Variants in AGBL1 observed in about 807,000 individuals in gnomAD.
The protein encoded by AGBL1 is AGBL carboxypeptidase 1, also known as cytosolic carboxypeptidase 4.
In AGBL1, 130 loss-of-function variants were observed where a neutral mutation model predicts 118.9. That is an observed-to-expected ratio of 1.09 (90% CI 0.95 to 1.26). The LOEUF is 1.26. Ranked by LOEUF, AGBL1 falls within the 50% of genes most tolerant of loss-of-function variation. The pLI, the probability that AGBL1 is intolerant of heterozygous loss-of-function variation, is 0.00. For synonymous variants in AGBL1, 555 were observed against 478.9 expected, an observed-to-expected ratio of 1.16 and a Z score of -2.08; for missense variants, 1,584 against 1,298.1, an observed-to-expected ratio of 1.22 and a Z score of -3.38.
intron 18 of AGBL1, among the ~76,000 whole-genome samples, chr15:86,518,505 T>G (rs1425567670): frequency 6.6e-6 from 1 of 152,126 alleles, no homozygotes; most frequent in Non-Finnish European, 1.5e-5. Flanking sequence ...GAGATGCTTT[T>G]GTTTGGTCAT....
rs148851645 is a variant in AGBL1 at position 86,282,685 on chromosome 15, A to C, written c.2220+2902A>C. Among the ~76,000 whole-genome samples, 973 of 152,308 alleles carry C rather than the reference A, an allele frequency of 6.4e-3. 8 individuals are homozygous for C. Among genetic ancestry groups the C allele is most frequent in the African/African-American group, 0.023 (939 of 41,566 alleles). On this transcript the variant is annotated intron_variant, in intron 16 of 22. Transcript: ENST00000614907. ...ATGAGTACATTCTGTAATGCTAACC[A>C]GTCATTTTTGTTTTTGGACATGTCC...
chr15:86,362,186 A>G (rs1305596017), intron 17 of AGBL1, among the ~76,000 whole-genome samples: 1 of 150,100 alleles, frequency 6.7e-6, no homozygotes, highest in African/African-American at 2.5e-5. Context: ...CACAAAAACT[A>G]TACTTTTACT....
chr15:86,720,668 G>A (rs980058077), intron 22 of AGBL1, among the ~76,000 whole-genome samples: 9 of 152,190 alleles, frequency 5.9e-5, no homozygotes, highest in Non-Finnish European at 1.0e-4. Context: ...CGAAGTTGCT[G>A]AGAGTGAATG....
intron 22 of AGBL1, among the ~76,000 whole-genome samples, chr15:86,853,033 A>T (rs2079428536): frequency 6.6e-6 from 1 of 150,578 alleles, no homozygotes; most frequent in African/African-American, 2.4e-5. Context: ...AATTAGAATC[A>T]CATGGGAAAG....
chr15:86,271,907 C>T (rs953707996), intron 15 of AGBL1, among the ~76,000 whole-genome samples: 19 of 152,142 alleles, frequency 1.2e-4, no homozygotes, highest in Admixed American at 2.0e-4. Flanking sequence ...TCGAGAAATA[C>T]CTTTTGATTG....
chr15:86,482,681 A>C (rs554624214), intron 18 of AGBL1, among the ~76,000 whole-genome samples: 7 of 152,150 alleles, frequency 4.6e-5, no homozygotes, highest in Non-Finnish European at 8.8e-5. Context: ...GTAGTTTTAC[A>C]TGTAACCTTG....
intron 21 of AGBL1, among the ~76,000 whole-genome samples, chr15:86,583,599 A>T (rs1008743927): frequency 1.3e-5 from 2 of 152,022 alleles, no homozygotes; most frequent in Non-Finnish European, 2.9e-5. Context: ...GCTTAAGTTG[A>T]TTCCATATCT....
chr15:86,289,585 G>GT (rs770712057), intron 16 of AGBL1, among the ~76,000 whole-genome samples: 6 of 152,094 alleles, frequency 3.9e-5, no homozygotes, highest in Non-Finnish European at 7.4e-5. Flanking sequence ...ATTTACATCA[G>GT]TTTTTTCAGA....
At chr15:86,639,728 C>T (rs561296555) in intron 21 of AGBL1, among the ~76,000 whole-genome samples, 3 of 152,284 alleles carry the variant, frequency 2.0e-5, no homozygotes, top group South Asian at 4.1e-4. Context: ...AACTGCTGAT[C>T]CCTCTTTGGG....
chr15:86,513,956 T>C (rs2083084278), intron 18 of AGBL1, among the ~76,000 whole-genome samples: 1 of 152,102 alleles, frequency 6.6e-6, no homozygotes, highest in African/African-American at 2.4e-5. Flanking sequence ...CAGACTGATA[T>C]TCTTTTCTTC....
At chr15:86,792,801 A>G (rs1053396112) in intron 22 of AGBL1, among the ~76,000 whole-genome samples, 3 of 152,136 alleles carry the variant, frequency 2.0e-5, no homozygotes, top group Non-Finnish European at 4.4e-5. Context: ...ATAAGAGAAA[A>G]GAGAAAACAA....
chr15:86,258,189 G>T (rs928419479), intron 9 of AGBL1, among the ~76,000 whole-genome samples, 158 bp downstream of exon 9: 1 of 152,188 alleles, frequency 6.6e-6, no homozygotes, highest in African/African-American at 2.4e-5. Flanking sequence ...GATAGCTACT[G>T]TTATTGATTT....
chr15:86,607,839 C>T (rs1041055442), intron 21 of AGBL1, among the ~76,000 whole-genome samples: 3 of 152,058 alleles, frequency 2.0e-5, no homozygotes, highest in African/African-American at 7.2e-5. Context: ...TATAGAGGAA[C>T]AACTGTTATG....
At chr15:86,795,587 A>AT (rs201093513) in intron 22 of AGBL1, among the ~76,000 whole-genome samples, 22,420 of 138,174 alleles carry the variant, frequency 0.16, 1,830 homozygotes, top group East Asian at 0.3. Flanking sequence ...TTTCTGCTTG[A>AT]TTTTTTTTTT....
At chr15:86,251,494 T>C (rs767626493) in intron 7 of AGBL1, among the ~76,000 whole-genome samples, 10 of 152,226 alleles carry the variant, frequency 6.6e-5, no homozygotes, top group Non-Finnish European at 1.5e-4. Flanking sequence ...ATTAATTTTA[T>C]TGATGTTTGT....
At chr15:87,004,076 CT>C (rs1162186675) in intron 24 of AGBL1, among the ~76,000 whole-genome samples, 2 of 152,158 alleles carry the variant, frequency 1.3e-5, no homozygotes, top group Non-Finnish European at 2.9e-5. Context: ...AATTTTAGAT[CT>C]TTCCTGCTTT....
rs1000417699 is a variant in AGBL1, at chr15:86,214,556, C to T, written c.489-10358C>T. Among the ~76,000 whole-genome samples, 9 of 152,202 alleles carry T rather than the reference C, an allele frequency of 5.9e-5. 1 individual carries two copies. Among genetic ancestry groups the T allele is most frequent in the African/African-American group, 1.7e-4 (7 of 41,458 alleles). The stretch of plus-strand genomic sequence containing the variant: ...GGGTAATGTTTGCCTTAAGTGCTAA[C>T]TTGAGAGTCACACCTCTATGTAGAA... On this transcript the variant is annotated intron_variant, in intron 5 of 22. Transcript: ENST00000614907.
intron 24 of AGBL1, chr15:86,988,248 C>T: frequency 1.2e-6 from 1 of 807,172 alleles, no homozygotes; most frequent in Non-Finnish European, 1.9e-6. Context: ...ACAATGCCAA[C>T]TTCTTTTCCA....
At position 86,941,034 on chromosome 15, in the gene AGBL1, T is replaced by G. The variant is rs558767385; in HGVS notation, c.3222-46953T>G. On this transcript the variant is annotated intron_variant, in intron 23 of 24. Coordinates refer to the AGBL1 transcript ENST00000441037. Reference sequence around the variant, plus strand: ...CTTAGATCTTTAAATGTAATTCTTGTAACTTTGTCTTTTGGCAAAAGCAAT... The same window carrying G: ...CTTAGATCTTTAAATGTAATTCTTGGAACTTTGTCTTTTGGCAAAAGCAAT... 3.3e-5 allele frequency among the ~76,000 whole-genome samples: 5 copies of G among 152,320 alleles called. No individual in the cohort carries two copies. The East Asian group carries it at 9.7e-4, about 29-fold the overall frequency.
Sources: gnomAD v4.1 joint callset for allele counts (sites outside exome capture counted in the v4.1 genomes callset) on GRCh38, gnomAD v4.1.1 for gene constraint, MANE v1.5 for transcripts, NCBI Gene and HGNC (gene_info 2026-07-23, HGNC 2026-07-21) for gene names.